The following CHST12 variants were observed in gnomAD, a reference collection of about 807,000 sequenced individuals.
CHST12 encodes carbohydrate (chondroitin 4) sulfotransferase 12.
In CHST12, 23 loss-of-function variants were observed where a neutral mutation model predicts 27.9. The ratio of observed to expected loss-of-function variants is 0.82; its 90% CI spans 0.59 to 1.17. CHST12 has a LOEUF of 1.17. CHST12 is among the 50% of genes most tolerant of loss of function. The pLI is 0.00. For synonymous variants in CHST12, 322 were observed against 273.0 expected, an observed-to-expected ratio of 1.18 and a Z score of -1.77; for missense variants, 682 against 603.0, an observed-to-expected ratio of 1.13 and a Z score of -1.37.
At chr7:2,410,619 G>C (rs369088489) in intron 1 of CHST12, among the ~76,000 whole-genome samples, 9 of 152,294 alleles carry the variant, frequency 5.9e-5, no homozygotes, top group South Asian at 2.1e-4. Flanking sequence ...AGGGTGGTTA[G>C]GGAAGGCTTG....
At chr7:2,430,461 G>T (rs533903444) in intron 1 of CHST12, among the ~76,000 whole-genome samples, 1 of 151,998 alleles carries the variant, frequency 6.6e-6, no homozygotes, top group African/African-American at 2.4e-5. Context: ...GATTACAGGC[G>T]CCTGCCACCA....
At chr7:2,406,596 A>G (rs1455942908) in intron 1 of CHST12, among the ~76,000 whole-genome samples, 1 of 152,088 alleles carries the variant, frequency 6.6e-6, no homozygotes. Context: ...CTCCCAGAAC[A>G]TGACCAGCTG....
rs774169204 is a variant in CHST12 at position 2,432,974 on chromosome 7, G to C, written c.335G>C (p.Arg112Pro). Residue 112 changes from arginine to proline, a missense_variant, in exon 2 of 2, where the codon CGG becomes CCG. Coordinates refer to ENST00000618655, the MANE Select transcript of CHST12 (RefSeq NM_018641.5). ...TACGACTGGTCCCCGCGCGACGCCC[G>C]GCGCAGCCCAGACCAGGGCCGGCAG... The part of the protein sequence containing the change: ...RGYDWSPRDA[R>P]RSPDQGRQQA... 6.2e-7 allele frequency: 1 copy of C among 1,608,678 alleles called. No homozygotes were observed. The highest frequency in any genetic ancestry group is 8.5e-7 in the Non-Finnish European group (1 of 1,177,454).
intron 1 of CHST12, among the ~76,000 whole-genome samples, chr7:2,429,088 T>G (rs1782206365): frequency 1.3e-5 from 2 of 152,252 alleles, no homozygotes. Flanking sequence ...CCTGACTGCA[T>G]GTCCGTTCAT....
At chr7:2,404,023 C>T (rs912657381) in intron 1 of CHST12, 2 of 152,208 alleles carry the variant, frequency 1.3e-5, no homozygotes, top group African/African-American at 2.4e-5. Flanking sequence ...CCCGCCGGCC[C>T]CCAGGAGTCC....
chr7:2,407,327 A>T (rs1255899315), intron 1 of CHST12, among the ~76,000 whole-genome samples: 1 of 152,084 alleles, frequency 6.6e-6, no homozygotes, highest in Non-Finnish European at 1.5e-5. Context: ...GTGCACCTGT[A>T]GTCCCAGCTA....
At position 2,439,149 on chromosome 7, in the gene CHST12, A is replaced by C. The variant is rs1281413064; in HGVS notation, c.*5265A>C. 6.6e-6 allele frequency: 1 copy of C among 152,102 alleles called. No homozygotes were observed. The highest frequency in any genetic ancestry group is 2.4e-5 in the African/African-American group (1 of 41,414). 9.4% of individuals were successfully genotyped at this position (152,102 alleles called of 1,614,324 possible). ...CTAGCGTTTCACATACAGGATCTAG[A>C]CTCGCACACAACTGCATTAATATGT... On this transcript the variant is annotated 3_prime_UTR_variant, in exon 2 of 2. Coordinates refer to ENST00000618655, the MANE Select transcript of CHST12 (RefSeq NM_018641.5).
At chr7:2,431,355 G>A (rs765752988) in intron 1 of CHST12, among the ~76,000 whole-genome samples, 10 of 152,110 alleles carry the variant, frequency 6.6e-5, no homozygotes, top group African/African-American at 1.7e-4. Flanking sequence ...TTCCATTCCC[G>A]GGAGAGAGGA....
chr7:2,416,266 C>G lies in CHST12; in HGVS notation c.-78+12593C>G, dbSNP rs149110916. On this transcript the variant is annotated intron_variant, in intron 1 of 1. Coordinates refer to ENST00000618655, the MANE Select transcript of CHST12 (RefSeq NM_018641.5). ...ACATCTTCAGGCTCCACTTCTGATT[C>G]TACTTCTCTTGCTGTTTCCACCACA... 6.7e-3 allele frequency among the ~76,000 whole-genome samples: 1,015 copies of G among 152,316 alleles called. 8 individuals carry two copies. The highest frequency in any genetic ancestry group is 0.023 in the African/African-American group (955 of 41,570).
At position 2,432,823 on chromosome 7, in the gene CHST12, G is replaced by A; in HGVS notation, c.184G>A (p.Ala62Thr). Residue 62 changes from alanine to threonine, a missense_variant, in exon 2 of 2, where the codon GCC (alanine) becomes ACC (threonine). Physicochemically the swap from Ala to Thr is moderately conservative, Grantham distance 58. Transcript: ENST00000618655. The part of the protein sequence containing the change: ...PGPDRDRELT[A>T]DSDVDEFLDK... ...GCCGGACAGGGACAGGGAGCTCACG[G>A]CCGACTCCGATGTCGACGAGTTTCT... is the stretch of plus-strand genomic sequence containing the variant. 1 of 1,613,860 alleles carries A rather than the reference G, an allele frequency of 6.2e-7. No individual in the cohort carries two copies. Among genetic ancestry groups the A allele is most frequent in the Admixed American group, 1.7e-5 (1 of 60,028 alleles).
chr7:2,415,284 T>C (rs912434386), intron 1 of CHST12, among the ~76,000 whole-genome samples: 1 of 151,722 alleles, frequency 6.6e-6, no homozygotes, highest in African/African-American at 2.4e-5. Context: ...GAGGATCACC[T>C]GAACCCCAGA....
At position 2,447,604 on chromosome 7, in the gene CHST12, C is replaced by T. The variant is rs1782786875; in HGVS notation, c.*13720C>T. 5 of 152,178 alleles carry T rather than the reference C, an allele frequency of 3.3e-5. No individual in the cohort carries two copies. The highest frequency in any genetic ancestry group is 3.3e-4 in the Admixed American group (5 of 15,252). The allele number at this position is 152,178 out of a possible 1,614,324, so 9.4% of individuals were successfully genotyped here. Reference sequence around the variant, plus strand: ...TTTCATGCCTCAGCTTCCCGAGTAGCTGGGATTACAGGCATGTGCCACCAA... The same window carrying T: ...TTTCATGCCTCAGCTTCCCGAGTAGTTGGGATTACAGGCATGTGCCACCAA... On this transcript the variant is annotated 3_prime_UTR_variant, in exon 2 of 2. Transcript: ENST00000618655.
intron 1 of CHST12, among the ~76,000 whole-genome samples, chr7:2,409,283 C>T (rs1781603505): frequency 6.6e-6 from 1 of 152,132 alleles, no homozygotes; most frequent in Non-Finnish European, 1.5e-5. Flanking sequence ...AACCAAGGTT[C>T]ACTCTGAAGG....
chr7:2,437,533 T>C lies in CHST12; in HGVS notation c.*3649T>C, dbSNP rs1782500934. ...TTTAGTGGAGTTTGCTGTAGTGCTTTTGCCATTTATTTGGACTATTGGAAA... is the reference window on the plus strand; with the variant it reads ...TTTAGTGGAGTTTGCTGTAGTGCTTCTGCCATTTATTTGGACTATTGGAAA... On this transcript the variant is annotated 3_prime_UTR_variant, in exon 2 of 2. Transcript: ENST00000618655. 1.3e-5 allele frequency: 2 copies of C among 152,260 alleles called. No individual in the cohort carries two copies. 9.4% of individuals were successfully genotyped at this position (152,260 alleles called of 1,614,324 possible).
intron 1 of CHST12, among the ~76,000 whole-genome samples, chr7:2,431,346 TC>T (rs1782264892): frequency 6.6e-6 from 1 of 152,248 alleles, no homozygotes; most frequent in African/African-American, 2.4e-5. Context: ...ATTAATGTTT[TC>T]CATTCCCGGG....
intron 1 of CHST12, among the ~76,000 whole-genome samples, chr7:2,428,197 CTTT>C (rs113888480): frequency 2.3e-5 from 3 of 131,348 alleles, no homozygotes; most frequent in South Asian, 2.4e-4. Flanking sequence ...TTCTCTCTCT[CTTT>C]TTTTTTTTTT....
chr7:2,411,033 G>A (rs1199449619), intron 1 of CHST12, among the ~76,000 whole-genome samples: 2 of 152,024 alleles, frequency 1.3e-5, no homozygotes, highest in Non-Finnish European at 1.5e-5. Context: ...GACTTGACAA[G>A]TTAGAGCCTG....
Position 2,430,770 on chromosome 7 carries a change from T to C in CHST12, c.-77-1793T>C, listed in dbSNP as rs1157994813. ...CCCAGCCTAAATTTTGTAATTTCAG[T>C]AGAGACAGGGTTTCACCATGTTGGC... On this transcript the variant is annotated intron_variant, in intron 1 of 1. Transcript: ENST00000618655. 2.0e-5 allele frequency among the ~76,000 whole-genome samples: 3 copies of C among 152,172 alleles called. No individual in the cohort carries two copies. In the East Asian group the frequency reaches 5.8e-4, roughly 29 times the overall value.
Position 2,434,063 on chromosome 7 carries a change from G to A in CHST12, c.*179G>A, listed in dbSNP as rs1200626208. The A allele has an allele frequency of 3.8e-6, 2 of 520,258 alleles. No individual in the cohort carries two copies. Among genetic ancestry groups the A allele is most frequent in the African/African-American group, 3.8e-5 (2 of 52,004 alleles). 32.2% of individuals were successfully genotyped at this position (520,258 alleles called of 1,614,324 possible). A position where few individuals can be genotyped will look rare whatever the true frequency, so the allele number is the denominator to read the frequency against. On this transcript the variant is annotated 3_prime_UTR_variant, in exon 2 of 2. Coordinates refer to ENST00000618655, the MANE Select transcript of CHST12 (RefSeq NM_018641.5). ...ATATTTCAGGTATTTAATACGAAAT[G>A]TGGAAGGGAATGCTGGAGTAAAATA... is the stretch of plus-strand genomic sequence containing the variant.
Sources: allele counts gnomAD v4.1 joint callset (sites outside exome capture counted in the v4.1 genomes callset), GRCh38; gene constraint gnomAD v4.1.1; transcripts MANE v1.5; gene names NCBI Gene and HGNC (gene_info 2026-07-23, HGNC 2026-07-21).